FAF2: variants seen among roughly 807,000 people sequenced by gnomAD.
FAF2 encodes FAS-associated factor 2.
FAF2 carries 9 observed loss-of-function variants against 62.3 expected under a neutral mutation model. The ratio of observed to expected loss-of-function variants is 0.14; its 90% confidence interval spans 0.09 to 0.25. FAF2 has a LOEUF of 0.25. Ranked by LOEUF, FAF2 falls within the 10% of genes least tolerant of loss-of-function variation. FAF2 has a pLI of 1.00. For missense variants in FAF2, 368 were observed against 556.2 expected (o/e 0.66, Z 3.40); for synonymous variants, 202 against 198.0 (o/e 1.02, Z -0.17).
In FAF2 at chr5:176,509,909, A is replaced by G. The variant is rs1320883878; in HGVS notation, c.*2959A>G. Reference sequence around the variant, plus strand: ...GGTTTTTTTAGGACTTGTGAGGAACACAGCAACGGAAATCCATCCACAAAG... The same window carrying G: ...GGTTTTTTTAGGACTTGTGAGGAACGCAGCAACGGAAATCCATCCACAAAG... On this transcript the variant is annotated 3_prime_UTR_variant, in exon 11 of 11. Transcript: ENST00000261942. The G allele has an allele frequency of 6.5e-6, 1 of 152,682 alleles. No individual in the cohort carries two copies. Among genetic ancestry groups the G allele is most frequent in the East Asian group, 1.9e-4 (1 of 5,208 alleles). The allele number at this position is 152,682 out of a possible 1,614,324, so 9.5% of individuals were successfully genotyped here.
At chr5:176,465,801 G>A (rs567508069) in intron 1 of FAF2, among the ~76,000 whole-genome samples, 27 of 152,262 alleles carry the variant, frequency 1.8e-4, no homozygotes, top group African/African-American at 6.5e-4. Context: ...GGATTGCAGT[G>A]AACCGAGATC....
intron 2 of FAF2, among the ~76,000 whole-genome samples, chr5:176,485,476 A>AT (rs1758860123): frequency 6.6e-6 from 1 of 152,204 alleles, no homozygotes; most frequent in African/African-American, 2.4e-5. Flanking sequence ...TCTGACATAG[A>AT]TTACCTCCCA....
chr5:176,498,131 C>CA (rs35192563), intron 8 of FAF2, among the ~76,000 whole-genome samples: 3 of 147,080 alleles, frequency 2.0e-5, no homozygotes, highest in East Asian at 2.0e-4. Context: ...GCCCTGTCTC[C>CA]AAAAAAAAAG....
At chr5:176,476,101 AAT>A (rs1417994696) in intron 1 of FAF2, among the ~76,000 whole-genome samples, 1 of 152,070 alleles carries the variant, frequency 6.6e-6, no homozygotes, top group Admixed American at 6.6e-5. Context: ...ACCCAAGAAA[AAT>A]AGAAAAATTA....
At chr5:176,463,766 G>A (rs141478341) in intron 1 of FAF2, among the ~76,000 whole-genome samples, 1,843 of 141,478 alleles carry the variant, frequency 0.013, 42 homozygotes, top group African/African-American at 0.046. Flanking sequence ...GTCTTGCTGT[G>A]TTTCCCAGGC....
rs1755727602 is a variant in FAF2, at chr5:176,508,665, ATTG to A, written c.*1718_*1720del. On this transcript the variant is annotated 3_prime_UTR_variant, in exon 11 of 11. Transcript: ENST00000261942. ...AATTTAATTCTGTCCCTGGCCAGCT[ATTG>A]TTCTTCCACTTCGTTTTCTGCTGTC... 6.6e-6 allele frequency: 1 copy of A among 152,172 alleles called. No individual in the cohort carries two copies. Among genetic ancestry groups the A allele is most frequent in the Non-Finnish European group, 1.5e-5 (1 of 68,034 alleles). The allele number at this position is 152,172 out of a possible 1,614,324, so 9.4% of individuals were successfully genotyped here.
chr5:176,487,307 C>T (rs2113737779), intron 3 of FAF2, among the ~76,000 whole-genome samples: 1 of 152,176 alleles, frequency 6.6e-6, no homozygotes, highest in East Asian at 1.9e-4. Context: ...CCTCAGCCTC[C>T]TAAGTAGCTG....
intron 1 of FAF2, among the ~76,000 whole-genome samples, chr5:176,470,332 C>G (rs187097999): frequency 1.6e-4 from 24 of 152,380 alleles, no homozygotes; most frequent in Admixed American, 1.3e-4. Context: ...AATCCCAGCA[C>G]TTTGGGAGGC....
chr5:176,502,449 A>C (rs1441597668), intron 10 of FAF2, among the ~76,000 whole-genome samples: 1 of 151,778 alleles, frequency 6.6e-6, no homozygotes, highest in African/African-American at 2.4e-5. Flanking sequence ...GTGTGGTGGC[A>C]TGTGCCTGTA....
intron 8 of FAF2, 194 bp downstream of exon 8, chr5:176,496,857 T>C: frequency 2.6e-6 from 1 of 382,840 alleles, no homozygotes; most frequent in Non-Finnish European, 4.6e-6. Context: ...TTCTTAGAGA[T>C]GTTCAAAATA....
chr5:176,461,734 G>T (rs1758383717), intron 1 of FAF2, among the ~76,000 whole-genome samples: 1 of 151,940 alleles, frequency 6.6e-6, no homozygotes, highest in Non-Finnish European at 1.5e-5. Flanking sequence ...AGTTTGCGAA[G>T]ATTTTCTCCC....
chr5:176,451,888 ATATATTTTTTTTTTTT>A (rs1758190682), intron 1 of FAF2, among the ~76,000 whole-genome samples: 10 of 28,506 alleles, frequency 3.5e-4, no homozygotes, highest in African/African-American at 1.5e-3. Flanking sequence ...ATATATATAT[ATATATTTTTTTTTTTT>A]TTTTTTTTTT....
At chr5:176,460,550 G>GTGTA (rs1366509976) in intron 1 of FAF2, among the ~76,000 whole-genome samples, 1 of 149,238 alleles carries the variant, frequency 6.7e-6, no homozygotes, top group Non-Finnish European at 1.5e-5. Flanking sequence ...GTGTGTGTGT[G>GTGTA]TGTATTTTTT....
intron 8 of FAF2, among the ~76,000 whole-genome samples, chr5:176,498,691 G>A (rs1755540593): frequency 6.6e-6 from 1 of 152,124 alleles, no homozygotes; most frequent in South Asian, 2.1e-4. Context: ...GGAGAGGAAA[G>A]CTTGCTGTTT....
chr5:176,454,532 C>G (rs528143631), intron 1 of FAF2, among the ~76,000 whole-genome samples: 57 of 136,814 alleles, frequency 4.2e-4, no homozygotes, highest in African/African-American at 1.6e-3. Context: ...GAGCCAAGAT[C>G]GTGCCACTGC....
chr5:176,476,627 CTTTTT>C (rs58104178), intron 1 of FAF2, among the ~76,000 whole-genome samples: 2 of 95,040 alleles, frequency 2.1e-5, no homozygotes, highest in African/African-American at 4.4e-5. Flanking sequence ...ATTAGAGTCC[CTTTTT>C]TTTTTTTTTT....
chr5:176,486,246 G>A, intron 2 of FAF2, 109 bp from the exon 3 acceptor site: 3 of 1,374,066 alleles, frequency 2.2e-6, no homozygotes, highest in Middle Eastern at 2.0e-4. Context: ...ACCTTTTGGT[G>A]TATTCATGAC....
intron 1 of FAF2, among the ~76,000 whole-genome samples, chr5:176,451,710 G>T (rs1581465413): frequency 7.2e-6 from 1 of 138,796 alleles, no homozygotes; most frequent in East Asian, 2.1e-4. Context: ...TGAATAATGG[G>T]TATGCGATAT....
chr5:176,488,913 T>C (rs751201982), intron 3 of FAF2, 38 bp from the exon 4 acceptor site: 1 of 1,507,550 alleles, frequency 6.6e-7, no homozygotes, highest in South Asian at 1.1e-5. Context: ...TATTAGGGAT[T>C]GAGAGAATTG....
Sources: allele counts gnomAD v4.1 joint callset (sites outside exome capture counted in the v4.1 genomes callset), GRCh38; gene constraint gnomAD v4.1.1; transcripts MANE v1.5; gene names NCBI Gene and HGNC (gene_info 2026-07-23, HGNC 2026-07-21).